RBM46: variants seen among roughly 807,000 people sequenced by gnomAD.
The protein encoded by RBM46 is probable RNA-binding protein 46.
RBM46 carries 12 observed loss-of-function variants against 43.3 expected under a neutral mutation model. The observed-to-expected ratio is 0.28, with a 90% CI of 0.18 to 0.45. RBM46 has a LOEUF of 0.45. RBM46 is among the 20% of genes least tolerant of loss of function. The pLI is 1.00. For missense variants in RBM46, 412 were observed against 639.1 expected, an observed-to-expected ratio of 0.64 and a Z score of 3.83; for synonymous variants, 205 against 207.6, an observed-to-expected ratio of 0.99 and a Z score of 0.11.
chr4:154,783,567 A>C (rs972823810), intron 1 of RBM46, among the ~76,000 whole-genome samples: 4 of 152,226 alleles, frequency 2.6e-5, no homozygotes, highest in Non-Finnish European at 5.9e-5. Flanking sequence ...TAACAGATTT[A>C]AAATAACAGA....
rs560265031 is a variant in RBM46 at position 154,827,541 on chromosome 4, A to G, written c.1403-327A>G. 8.5e-6 allele frequency: 9 copies of G among 1,061,966 alleles called. 1 individual carries two copies. In the Middle Eastern group the frequency reaches 1.3e-3, roughly 159 times the overall value. The allele number at this position is 1,061,966 out of a possible 1,614,324, so 65.8% of individuals were successfully genotyped here. A position where few individuals can be genotyped will look rare whatever the true frequency, so the allele number is the denominator to read the frequency against. Reference sequence around the variant, plus strand: ...GGACTACCCCTTAGAACCAAATTTAAAAGAAGCTTCTTTGTAGAGCAAGAG... The same window carrying G: ...GGACTACCCCTTAGAACCAAATTTAGAAGAAGCTTCTTTGTAGAGCAAGAG... On this transcript the variant is annotated intron_variant, in intron 4 of 4. Transcript: ENST00000281722.
At chr4:154,788,145 A>T (rs1018018369) in intron 1 of RBM46, among the ~76,000 whole-genome samples, 2 of 151,788 alleles carry the variant, frequency 1.3e-5, no homozygotes, top group Non-Finnish European at 2.9e-5. Context: ...TTGCCTGTTC[A>T]CTCTGATGGT....
chr4:154,799,947 AT>A (rs1734545650), intron 4 of RBM46, among the ~76,000 whole-genome samples: 1 of 151,528 alleles, frequency 6.6e-6, no homozygotes, highest in Non-Finnish European at 1.5e-5. Context: ...AATTTTTTGT[AT>A]TTTTAGTAGA....
At chr4:154,793,614 C>T (rs1489687921) in intron 1 of RBM46, among the ~76,000 whole-genome samples, 1 of 152,126 alleles carries the variant, frequency 6.6e-6, no homozygotes, top group Non-Finnish European at 1.5e-5. Flanking sequence ...CCTCATGCAG[C>T]CCAGAGTTTG....
rs114709371 is a variant in RBM46, at chr4:154,784,569, G to A, written c.-12+3133G>A. Among the ~76,000 whole-genome samples the A allele has an allele frequency of 5.7e-3, 868 of 152,232 alleles. 7 individuals are homozygous for A. The highest frequency in any genetic ancestry group is 9.0e-3 in the Admixed American group (137 of 15,292). On this transcript the variant is annotated intron_variant, in intron 1 of 4. Coordinates refer to ENST00000281722, the MANE Select transcript of RBM46 (RefSeq NM_144979.5). ...CTTCTATTTTTTCTTTTGAAAGTGA[G>A]CTAGAGAGGAATCTTTGAAAGTCTA... is the stretch of plus-strand genomic sequence containing the variant.
chr4:154,804,500 C>T (rs770987791), intron 4 of RBM46, among the ~76,000 whole-genome samples: 3 of 152,112 alleles, frequency 2.0e-5, no homozygotes, highest in Non-Finnish European at 2.9e-5. Context: ...TAAACAAAAT[C>T]AAGGAGATCA....
rs186998439 is a variant in RBM46 at position 154,798,419 on chromosome 4, T to C, written c.619+141T>C. On this transcript the variant is annotated intron_variant, in intron 3 of 4. Coordinates refer to ENST00000281722, the MANE Select transcript of RBM46 (RefSeq NM_144979.5). ...TGTTTGAGTAATGAAGTAAAATAAA[T>C]TACATGATTCTAAAAGACAAGAAAT... 9.7e-4 allele frequency: 593 copies of C among 610,934 alleles called. 2 individuals are homozygous for C. The highest frequency in any genetic ancestry group is 1.2e-3 in the Non-Finnish European group (459 of 372,614). 37.8% of individuals were successfully genotyped at this position (610,934 alleles called of 1,614,324 possible).
chr4:154,811,078 ATT>A (rs1201881070), intron 4 of RBM46, among the ~76,000 whole-genome samples: 2 of 152,180 alleles, frequency 1.3e-5, no homozygotes, highest in Non-Finnish European at 2.9e-5. Flanking sequence ...TAGACCTTAC[ATT>A]CTATTGAGAC....
chr4:154,812,147 G>A (rs367647842), intron 4 of RBM46, among the ~76,000 whole-genome samples: 14 of 151,650 alleles, frequency 9.2e-5, no homozygotes, highest in African/African-American at 3.4e-4. Flanking sequence ...TGAAAAACTG[G>A]TTTTTGTCTA....
intron 4 of RBM46, among the ~76,000 whole-genome samples, chr4:154,809,403 ATTT>A (rs920692645): frequency 4.7e-5 from 7 of 148,922 alleles, no homozygotes; most frequent in African/African-American, 1.7e-4. Context: ...TTCTGTAATG[ATTT>A]TTAATTTTAG....
chr4:154,820,304 CA>C, intron 4 of RBM46: 1 of 1,124,376 alleles, frequency 8.9e-7, no homozygotes, highest in South Asian at 1.7e-5. Flanking sequence ...CATGCACTTC[CA>C]AGATAGGGAT....
chr4:154,822,578 AG>A (rs982356676), intron 4 of RBM46, among the ~76,000 whole-genome samples: 5 of 151,462 alleles, frequency 3.3e-5, no homozygotes, highest in Admixed American at 6.6e-5. Context: ...TAAAAAAAAA[AG>A]TTTTTTTTTG....
chr4:154,825,404 A>G (rs1735911614), intron 4 of RBM46, among the ~76,000 whole-genome samples: 1 of 152,048 alleles, frequency 6.6e-6, no homozygotes. Context: ...TTTGTATTGT[A>G]TTTTCCAACC....
Position 154,803,404 on chromosome 4 carries a change from G to T in RBM46, c.1402+3840G>T, listed in dbSNP as rs77842759. 2.9e-3 allele frequency among the ~76,000 whole-genome samples: 434 copies of T among 152,040 alleles called. 1 individual carries two copies. The highest frequency in any genetic ancestry group is 9.8e-3 in the African/African-American group (407 of 41,502). On this transcript the variant is annotated intron_variant, in intron 4 of 4. Coordinates refer to ENST00000281722, the MANE Select transcript of RBM46 (RefSeq NM_144979.5). ...CTGGAAACTCATTACCTAACCAGCAGGAAAAGAAATTATGGGCTGGGCGCG... is the reference window on the plus strand; with the variant it reads ...CTGGAAACTCATTACCTAACCAGCATGAAAAGAAATTATGGGCTGGGCGCG...
intron 4 of RBM46, among the ~76,000 whole-genome samples, chr4:154,815,110 C>A: frequency 6.6e-6 from 1 of 151,968 alleles, no homozygotes; most frequent in East Asian, 1.9e-4. Flanking sequence ...TGTCTGGCTT[C>A]TTTTAACATT....
At chr4:154,826,943 T>C in intron 4 of RBM46, 1 of 1,316,706 alleles carries the variant, frequency 7.6e-7, no homozygotes, top group Non-Finnish European at 9.7e-7. Context: ...ACCTAATTTC[T>C]TTTCTTCCAT....
intron 1 of RBM46, chr4:154,790,337 T>G (rs1224546341): frequency 1.3e-5 from 2 of 152,212 alleles, no homozygotes; most frequent in Non-Finnish European, 2.9e-5. Context: ...TACACACTGC[T>G]TTAAATGTGT....
chr4:154,783,327 A>G (rs1482627340), intron 1 of RBM46, among the ~76,000 whole-genome samples: 3 of 152,232 alleles, frequency 2.0e-5, no homozygotes, highest in Non-Finnish European at 2.9e-5. Context: ...AGAATTATTA[A>G]TAACGAGAAC....
At chr4:154,823,833 C>T (rs1411852276) in intron 4 of RBM46, among the ~76,000 whole-genome samples, 1 of 151,936 alleles carries the variant, frequency 6.6e-6, no homozygotes, top group Non-Finnish European at 1.5e-5. Context: ...TACTCTTGCT[C>T]CTGTGTCAGA....
Sources: allele counts gnomAD v4.1 joint callset (sites outside exome capture counted in the v4.1 genomes callset), GRCh38; gene constraint gnomAD v4.1.1; transcripts MANE v1.5; gene names NCBI Gene and HGNC (gene_info 2026-07-23, HGNC 2026-07-21).